PROX1: variants seen among roughly 807,000 people sequenced by gnomAD.
PROX1 encodes prospero homeobox 1.
In PROX1, 7 loss-of-function variants were observed where a neutral mutation model predicts 58.8. The ratio of observed to expected loss-of-function variants is 0.12; its 90% CI spans 0.07 to 0.22. The LOEUF (loss-of-function observed/expected upper bound fraction) is 0.22, where lower values mean the gene tolerates loss of function less well. Ranked by LOEUF, PROX1 falls within the 10% of genes least tolerant of loss-of-function variation. PROX1 has a pLI of 1.00. For missense variants in PROX1, 675 were observed against 927.8 expected (o/e 0.73, Z 3.54); for synonymous variants, 350 against 358.3 (o/e 0.98, Z 0.26).
intron 2 of PROX1, among the ~76,000 whole-genome samples, chr1:213,999,867 G>A (rs1424572202): frequency 6.6e-6 from 1 of 152,160 alleles, no homozygotes; most frequent in African/African-American, 2.4e-5. Flanking sequence ...GAAAGGCAAA[G>A]TAAGAAGACA....
intron 4 of PROX1, among the ~76,000 whole-genome samples, chr1:214,014,303 T>G (rs1378192389): frequency 1.3e-5 from 2 of 152,202 alleles, no homozygotes; most frequent in Non-Finnish European, 2.9e-5. Context: ...AAAATGAACC[T>G]ATAGTTTAAG....
intron 2 of PROX1, among the ~76,000 whole-genome samples, chr1:214,002,081 T>C (rs1571810417): frequency 6.6e-6 from 1 of 152,186 alleles, no homozygotes; most frequent in African/African-American, 2.4e-5. Flanking sequence ...AAAATGTAAG[T>C]AGTCTCAACC....
intron 1 of PROX1, among the ~76,000 whole-genome samples, chr1:213,995,880 C>T (rs550712068): frequency 6.6e-6 from 1 of 152,284 alleles, no homozygotes; most frequent in African/African-American, 2.4e-5. Flanking sequence ...TTGAAAGATG[C>T]TGCTGCTAAG....
rs1664861658 is a variant in PROX1, at chr1:214,037,344, A to G, written c.*1510A>G. The G allele has an allele frequency of 6.6e-6, 1 of 152,192 alleles. No homozygotes were observed. Among genetic ancestry groups the G allele is most frequent in the Admixed American group, 6.5e-5 (1 of 15,280 alleles). The allele number at this position is 152,192 out of a possible 1,614,324, so 9.4% of individuals were successfully genotyped here. On this transcript the variant is annotated 3_prime_UTR_variant, in exon 5 of 5. Coordinates refer to ENST00000366958, the MANE Select transcript of PROX1 (RefSeq NM_001270616.2). ...AATTTGATATACACCTCCTAAAATGACACAGTAACAAATCTGGTATTTAGA... is the reference window on the plus strand; with the variant it reads ...AATTTGATATACACCTCCTAAAATGGCACAGTAACAAATCTGGTATTTAGA...
At position 214,036,880 on chromosome 1, in the gene PROX1, A is replaced by G. The variant is rs1036798768; in HGVS notation, c.*1046A>G. 6.6e-6 allele frequency: 1 copy of G among 152,212 alleles called. No homozygotes were observed. The highest frequency in any genetic ancestry group is 2.4e-5 in the African/African-American group (1 of 41,460). The allele number at this position is 152,212 out of a possible 1,614,324, so 9.4% of individuals were successfully genotyped here. A position where few individuals can be genotyped will look rare whatever the true frequency, so the allele number is the denominator to read the frequency against. On this transcript the variant is annotated 3_prime_UTR_variant, in exon 5 of 5. Coordinates refer to ENST00000366958, the MANE Select transcript of PROX1 (RefSeq NM_001270616.2). ...GCTGACTTGATCGTCATCTCCTAAG[A>G]GGAACACATATATTTTCACAAGCAA... is the stretch of plus-strand genomic sequence containing the variant.
At chr1:214,027,322 G>A (rs973184387) in intron 4 of PROX1, among the ~76,000 whole-genome samples, 1 of 151,778 alleles carries the variant, frequency 6.6e-6, no homozygotes. Flanking sequence ...AGAGAGTTTG[G>A]CTTCGGGATT....
intron 4 of PROX1, among the ~76,000 whole-genome samples, chr1:214,027,259 A>G (rs1177412968): frequency 1.4e-5 from 2 of 147,580 alleles, no homozygotes; most frequent in East Asian, 4.0e-4. Context: ...TTGCCTGGTG[A>G]GCACAGAAGA....
intron 3 of PROX1, 136 bp downstream of exon 3, chr1:214,005,408 T>A: frequency 1.5e-6 from 1 of 687,122 alleles, no homozygotes; most frequent in Non-Finnish European, 2.4e-6. Flanking sequence ...AATGCACTTG[T>A]CTTTTTGTCT....
intron 4 of PROX1, among the ~76,000 whole-genome samples, chr1:214,013,818 A>C (rs955262979): frequency 3.3e-5 from 5 of 152,168 alleles, no homozygotes; most frequent in African/African-American, 4.8e-5. Context: ...GCTTCACTGC[A>C]AGGAGTATGG....
In PROX1 at chr1:213,997,235, G is replaced by C. The variant is rs199834333; in HGVS notation, c.700G>C (p.Glu234Gln). The C allele has an allele frequency of 2.5e-5, 40 of 1,612,906 alleles. No homozygotes were observed. The highest frequency in any genetic ancestry group is 5.0e-5 in the Admixed American group (3 of 59,724). Residue 234 changes from glutamate (E) to glutamine (Q), a missense_variant, in exon 2 of 5, where the codon GAG (glutamate) becomes CAG (glutamine). Around this residue, in one of 8 missense-constraint regions of PROX1, gnomAD observed 403 missense variants for 477.4 expected, o/e 0.84. Transcript: ENST00000366958. This position sits in a 1 kb window ranked among gnomAD's most constrained non-coding sequence, Gnocchi z 7.1. The part of the protein sequence containing the change: ...LVSARKEQKR[E>Q]ERRQLKQQLE... ...TTCAGCCCGAAAAGAACAGAAGCGA[G>C]AGGAGCGCCGACAGCTGAAACAGCA... is the stretch of plus-strand genomic sequence containing the variant.
intron 4 of PROX1, among the ~76,000 whole-genome samples, chr1:214,018,366 C>G (rs897424299): frequency 7.9e-5 from 12 of 152,142 alleles, no homozygotes; most frequent in African/African-American, 2.9e-4. Flanking sequence ...TACTTGAAAG[C>G]AGATAATTAG....
upstream of PROX1, chr1:213,984,897 T>C (rs1429622234): frequency 1.3e-5 from 2 of 152,244 alleles, no homozygotes; most frequent in Non-Finnish European, 2.9e-5. Flanking sequence ...GGTTTTAAAT[T>C]ACTTATACAC....
At chr1:213,994,644 T>A (rs1349951720) in intron 1 of PROX1, among the ~76,000 whole-genome samples, 1 of 151,054 alleles carries the variant, frequency 6.6e-6, no homozygotes, top group Non-Finnish European at 1.5e-5. Context: ...CATTCTGAAT[T>A]CAATTTTGAA....
intron 4 of PROX1, among the ~76,000 whole-genome samples, chr1:214,032,113 A>C (rs1664678568): frequency 6.6e-6 from 1 of 152,168 alleles, no homozygotes; most frequent in East Asian, 1.9e-4. Context: ...TACCATTTCC[A>C]TTTATTTTGA....
chr1:214,028,756 C>T lies in PROX1; in HGVS notation c.2029-6893C>T, dbSNP rs541649005. ...TCTCAGGATTCACTGTGTATAGCATCCTGCACCATTCCTTCTCTTCTGGAG... is the reference window on the plus strand; with the variant it reads ...TCTCAGGATTCACTGTGTATAGCATTCTGCACCATTCCTTCTCTTCTGGAG... On this transcript the variant is annotated intron_variant, in intron 4 of 4. Transcript: ENST00000366958. 3.3e-5 allele frequency: 5 copies of T among 152,336 alleles called. No individual in the cohort carries two copies. In the South Asian group the frequency reaches 1.0e-3, roughly 32 times the overall value. 9.4% of individuals were successfully genotyped at this position (152,336 alleles called of 1,614,324 possible).
rs1423729874 is a variant in PROX1 at position 213,996,671 on chromosome 1, A to G, written c.136A>G (p.Asn46Asp). The G allele has an allele frequency of 6.2e-7, 1 of 1,614,208 alleles. No individual in the cohort carries two copies. The highest frequency in any genetic ancestry group is 2.2e-5 in the East Asian group (1 of 44,884). Reference sequence around the variant, plus strand: ...AAGAGCAACGTTTTTTAGTGCCATGAATCCCCAAGGTTCTGAGCAGGATGT... The same window carrying G: ...AAGAGCAACGTTTTTTAGTGCCATGGATCCCCAAGGTTCTGAGCAGGATGT... ...KARATFFSAM[N>D]PQGSEQDVEY... Residue 46 changes from asparagine (N) to aspartate (D), a missense_variant, in exon 2 of 5, where the codon AAT (asparagine) becomes GAT (aspartate). By Grantham distance (23) the Asn-to-Asp change is conservative. Transcript: ENST00000366958.
chr1:213,996,708 T>C lies in PROX1; in HGVS notation c.173T>C (p.Val58Ala). The C allele has an allele frequency of 3.7e-6, 6 of 1,614,178 alleles. No homozygotes were observed. The highest frequency in any genetic ancestry group is 1.6e-4 in the Middle Eastern group (1 of 6,062). ...QGSEQDVEYSVVQHADGEKSN... is the reference protein window; with the variant it reads ...QGSEQDVEYSAVQHADGEKSN... ...TCTGAGCAGGATGTTGAGTATTCAG[T>C]GGTGCAGCATGCAGATGGGGAAAAG... Residue 58 changes from valine (V) to alanine (A), a missense_variant, in exon 2 of 5, where the codon GTG (valine) becomes GCG (alanine). Transcript: ENST00000366958.
intron 1 of PROX1, among the ~76,000 whole-genome samples, chr1:213,995,051 G>A (rs867272680): frequency 1.3e-5 from 2 of 152,008 alleles, no homozygotes; most frequent in Admixed American, 6.6e-5. Flanking sequence ...TAGGGAGCAC[G>A]TAGATGTTTT....
At chr1:214,026,676 T>C (rs1404340173) in intron 4 of PROX1, among the ~76,000 whole-genome samples, 1 of 152,222 alleles carries the variant, frequency 6.6e-6, no homozygotes, top group Non-Finnish European at 1.5e-5. Flanking sequence ...TTTTGTATTT[T>C]CTAAATACTC....
Sources: allele counts gnomAD v4.1 joint callset (sites outside exome capture counted in the v4.1 genomes callset), GRCh38; gene constraint gnomAD v4.1.1; regional missense constraint gnomAD v4.1.1; non-coding constraint Gnocchi (gnomAD v3.1); transcripts MANE v1.5; gene names NCBI Gene and HGNC (gene_info 2026-07-23, HGNC 2026-07-21).